Variants in TACC1 observed in about 807,000 individuals in gnomAD.
TACC1 encodes the protein transforming acidic coiled-coil containing protein 1, also known as transforming acidic coiled-coil-containing protein 1.
In TACC1, 48 loss-of-function variants were observed where a neutral mutation model predicts 84.4. The observed-to-expected ratio is 0.57, with a 90% CI of 0.45 to 0.72. TACC1 has a LOEUF of 0.72. Among genes scored for constraint, TACC1 ranks in the 30% least tolerant of loss-of-function variants. The pLI, the probability that TACC1 is intolerant of heterozygous loss-of-function variation, is 0.00. For missense variants in TACC1, 920 were observed against 973.0 expected (o/e 0.95, Z 0.72); for synonymous variants, 372 against 376.3 (o/e 0.99, Z 0.13).
chr8:38,734,689 A>G (rs1440297236), intron 1 of TACC1, among the ~76,000 whole-genome samples: 1 of 152,246 alleles, frequency 6.6e-6, no homozygotes, highest in Non-Finnish European at 1.5e-5. Flanking sequence ...TACCATCTGC[A>G]TGGCTGCTGG....
chr8:38,769,286 GTGTA>G (rs1270807521), intron 3 of TACC1, among the ~76,000 whole-genome samples: 1 of 147,024 alleles, frequency 6.8e-6, no homozygotes, highest in African/African-American at 2.5e-5. Flanking sequence ...GTGTGTATAT[GTGTA>G]TGTAAGACTG....
At position 38,787,718 on chromosome 8, in the gene TACC1, G is replaced by T. The variant is rs777087254; in HGVS notation, c.136G>T (p.Ala46Ser). ...CGACCCCGAGGAGGAGGATTCGCAA[G>T]CCGAGACCAAATCCTTGAGTTTCAG... Reference protein sequence around the residue: ...EGDPEEEDSQAETKSLSFSSD... With the variant: ...EGDPEEEDSQSETKSLSFSSD... The change falls in exon 1 of 13, where the codon GCC (alanine) becomes TCC (serine). Residue 46 changes from alanine (A) to serine (S), a missense_variant. This residue lies in a region of TACC1 where 762 missense variants were observed against 747.3 expected (regional missense o/e 1.02). Transcript: ENST00000317827. 1.3e-6 allele frequency: 2 copies of T among 1,547,656 alleles called. No homozygotes were observed. Among genetic ancestry groups the T allele is most frequent in the South Asian group, 2.4e-5 (2 of 84,762 alleles).
chr8:38,775,962 T>A (rs190225827), intron 3 of TACC1, among the ~76,000 whole-genome samples: 32 of 152,280 alleles, frequency 2.1e-4, no homozygotes, highest in Non-Finnish European at 4.3e-4. Context: ...AAATATTTTG[T>A]GTGTGTGCTA....
At chr8:38,737,317 A>G (rs944880499) in intron 1 of TACC1, among the ~76,000 whole-genome samples, 1 of 152,150 alleles carries the variant, frequency 6.6e-6, no homozygotes, top group Non-Finnish European at 1.5e-5. Flanking sequence ...GGCAGTGGGA[A>G]TGTACTCGAT....
chr8:38,761,483 A>G (rs1256750441), intron 3 of TACC1, among the ~76,000 whole-genome samples: 3 of 152,230 alleles, frequency 2.0e-5, no homozygotes, highest in African/African-American at 4.8e-5. Flanking sequence ...GGTGCTGGCT[A>G]TGTGATATTC....
At chr8:38,776,292 A>G (rs1814775740) in intron 3 of TACC1, among the ~76,000 whole-genome samples, 1 of 152,232 alleles carries the variant, frequency 6.6e-6, no homozygotes, top group African/African-American at 2.4e-5. Flanking sequence ...AGCTCAAGTC[A>G]TTACGGCAGA....
In TACC1 at chr8:38,852,522, T is replaced by G. The variant is rs1588207665; in HGVS notation, c.*4499T>G. ...TCATTAACTGCTAATTCTGTATTTA[T>G]AAAGAATTTTCAGATGGACATGTAC... On this transcript the variant is annotated 3_prime_UTR_variant, in exon 13 of 13. Transcript: ENST00000317827. The G allele has an allele frequency of 6.5e-6, 1 of 152,812 alleles. No homozygotes were observed. Among genetic ancestry groups the G allele is most frequent in the Non-Finnish European group, 1.5e-5 (1 of 68,088 alleles). The allele number at this position is 152,812 out of a possible 1,614,324, so 9.5% of individuals were successfully genotyped here.
At position 38,768,000 on chromosome 8, in the gene TACC1, C is replaced by T. The variant is rs1023365487; in HGVS notation, c.27-20704C>T. 4.0e-5 allele frequency among the ~76,000 whole-genome samples: 6 copies of T among 151,392 alleles called. No homozygotes were observed. The South Asian group carries it at 8.3e-4, about 21-fold the overall frequency. On this transcript the variant is annotated intron_variant, in intron 3 of 14. Transcript: ENST00000518415. ...GGAGGATCTCTTGAGCCCAGGAACT[C>T]GAGGCTGCAGTGAGATGAGATTGTG... is the stretch of plus-strand genomic sequence containing the variant.
At chr8:38,733,572 G>A (rs1805388788) in intron 1 of TACC1, among the ~76,000 whole-genome samples, 1 of 152,112 alleles carries the variant, frequency 6.6e-6, no homozygotes, top group Admixed American at 6.6e-5. Context: ...CTTTTGCTGT[G>A]TTCCTTCATA....
intron 3 of TACC1, among the ~76,000 whole-genome samples, chr8:38,765,938 C>T (rs967485036): frequency 6.6e-6 from 1 of 152,092 alleles, no homozygotes; most frequent in Non-Finnish European, 1.5e-5. Flanking sequence ...TAAGCATTTT[C>T]GCTTCCTCTG....
intron 2 of TACC1, among the ~76,000 whole-genome samples, chr8:38,814,147 A>T (rs1459921487): frequency 1.3e-5 from 2 of 152,208 alleles, no homozygotes; most frequent in Non-Finnish European, 2.9e-5. Flanking sequence ...GACTAAGTAG[A>T]ACAAGGGTCT....
Position 38,847,804 on chromosome 8 carries a change from T to G in TACC1, c.2350-151T>G, listed in dbSNP as rs1832598856. 1.1e-5 allele frequency: 6 copies of G among 566,958 alleles called. No individual in the cohort carries two copies. In the Admixed American group the frequency reaches 1.6e-4, roughly 15 times the overall value. The allele number at this position is 566,958 out of a possible 1,614,324, so 35.1% of individuals were successfully genotyped here. A position where few individuals can be genotyped will look rare whatever the true frequency, so the allele number is the denominator to read the frequency against. On this transcript the variant is annotated intron_variant, in intron 12 of 12. Coordinates refer to ENST00000317827, the MANE Select transcript of TACC1 (RefSeq NM_006283.3). Reference sequence around the variant, plus strand: ...ATTTTTTGAGGTGTGTAGCCTTTTTTTCTTTAAAGCATCTCTGATGTAGAA... The same window carrying G: ...ATTTTTTGAGGTGTGTAGCCTTTTTGTCTTTAAAGCATCTCTGATGTAGAA...
At chr8:38,808,617 G>A (rs1348630485) in intron 2 of TACC1, among the ~76,000 whole-genome samples, 2 of 152,176 alleles carry the variant, frequency 1.3e-5, no homozygotes, top group African/African-American at 2.4e-5. Context: ...GTTTCACCAT[G>A]TTTCCCAGGT....
intron 3 of TACC1, among the ~76,000 whole-genome samples, chr8:38,764,577 T>C (rs1811863760): frequency 1.3e-5 from 2 of 152,354 alleles, no homozygotes; most frequent in South Asian, 4.1e-4. Flanking sequence ...TATGGACTGG[T>C]ATATTAATTT....
At chr8:38,764,565 G>A (rs529361913) in intron 3 of TACC1, among the ~76,000 whole-genome samples, 1 of 151,996 alleles carries the variant, frequency 6.6e-6, no homozygotes, top group South Asian at 2.1e-4. Context: ...CTCCTTGCCT[G>A]TTATGGACTG....
chr8:38,821,366 A>G (rs1826769308), intron 3 of TACC1, among the ~76,000 whole-genome samples: 1 of 152,140 alleles, frequency 6.6e-6, no homozygotes, highest in African/African-American at 2.4e-5. Flanking sequence ...CCTGTAACTT[A>G]CCTCTGTAGC....
chr8:38,786,766 C>A (rs1389258451), upstream of TACC1, among the ~76,000 whole-genome samples: 2 of 151,858 alleles, frequency 1.3e-5, no homozygotes. Flanking sequence ...AGGCTGAAAT[C>A]CCCCACGCTG....
intron 2 of TACC1, among the ~76,000 whole-genome samples, chr8:38,808,737 G>A (rs951156221): frequency 5.3e-5 from 8 of 152,168 alleles, no homozygotes; most frequent in Non-Finnish European, 1.2e-4. Flanking sequence ...GGCAGCACTA[G>A]GTATATGGGG....
intron 2 of TACC1, among the ~76,000 whole-genome samples, chr8:38,801,034 G>A (rs552336088): frequency 6.6e-6 from 1 of 152,098 alleles, no homozygotes; most frequent in African/African-American, 2.4e-5. Context: ...GTAGCTATTG[G>A]GTATTTGTAT....
Sources: allele counts gnomAD v4.1 joint callset (sites outside exome capture counted in the v4.1 genomes callset), GRCh38; gene constraint gnomAD v4.1.1; regional missense constraint gnomAD v4.1.1; transcripts MANE v1.5; gene names NCBI Gene and HGNC (gene_info 2026-07-23, HGNC 2026-07-21).